ACE: variants seen among roughly 807,000 people sequenced by gnomAD.
The protein encoded by ACE is angiotensin I converting enzyme, also known as angiotensin-converting enzyme.
ACE carries 122 observed loss-of-function variants against 162.3 expected under a neutral mutation model. The ratio of observed to expected loss-of-function variants is 0.75; its 90% CI spans 0.65 to 0.87. The LOEUF (loss-of-function observed/expected upper bound fraction) is 0.87. ACE is among the 40% of genes least tolerant of loss of function. The pLI, the probability that ACE is intolerant of heterozygous loss-of-function variation, is 0.00. For missense variants in ACE, 1,799 were observed against 1,735.1 expected (o/e 1.04, Z -0.65); for synonymous variants, 796 against 720.6 (o/e 1.10, Z -1.68).
Position 63,488,690 on chromosome 17 carries a change from T to C in ACE, c.2348T>C (p.Leu783Pro). ...GCCACGTCCCGGAAATATGAAGACC[T>C]GTTATGGGCATGGGAGGGCTGGCGA... ...VMATSRKYED[L>P]LWAWEGWRDK... The change falls in exon 16 of 25, where the codon CTG (leucine) becomes CCG (proline). Residue 783 changes from leucine (L) to proline (P), a missense_variant. Physicochemically the swap from Leu to Pro is moderately conservative, Grantham distance 98. Transcript: ENST00000290866. 6 of 1,613,378 alleles carry C rather than the reference T, an allele frequency of 3.7e-6. No individual in the cohort carries two copies. The highest frequency in any genetic ancestry group is 5.1e-6 in the Non-Finnish European group (6 of 1,179,902).
rs1408696899 is a variant in ACE, at chr17:63,478,965, A to AG, written c.418-38dup. 4 of 1,549,492 alleles carry AG rather than the reference A, an allele frequency of 2.6e-6. No individual in the cohort carries two copies. The Admixed American group carries it at 6.8e-5, about 26-fold the overall frequency. On this transcript the variant is annotated intron_variant, in intron 2 of 24. Transcript: ENST00000290866. Reference sequence around the variant, plus strand: ...GCAGCGAGGGGAGGGCAGATGTCCCAGGGGCTGGTCACTGGAGCATTCCTC... The same window carrying AG: ...GCAGCGAGGGGAGGGCAGATGTCCCAGGGGGCTGGTCACTGGAGCATTCCTC...
At position 63,481,839 on chromosome 17, in the gene ACE, C is replaced by CT. The variant is rs549729816; in HGVS notation, c.1118+102dup. The CT allele has an allele frequency of 2.5e-4, 370 of 1,486,270 alleles. 3 individuals carry two copies. In the African/African-American group the frequency reaches 4.5e-3, roughly 18 times the overall value. The allele number at this position is 1,486,270 out of a possible 1,614,324, so 92.1% of individuals were successfully genotyped here. A position where few individuals can be genotyped will look rare whatever the true frequency, so the allele number is the denominator to read the frequency against. Reference sequence around the variant, plus strand: ...GGGAAGCTGGTTCCCAGGCCTGCCTCTACCCTACCCCAGCACTGGTTGGAG... The same window carrying CT: ...GGGAAGCTGGTTCCCAGGCCTGCCTCTTACCCTACCCCAGCACTGGTTGGAG... On this transcript the variant is annotated intron_variant, in intron 7 of 24. Coordinates refer to ENST00000290866, the MANE Select transcript of ACE (RefSeq NM_000789.4).
chr17:63,493,080 G>A (rs1187345173), intron 19 of ACE, among the ~76,000 whole-genome samples: 2 of 152,198 alleles, frequency 1.3e-5, no homozygotes, highest in Non-Finnish European at 2.9e-5. Context: ...GATAAAGCAT[G>A]TGTACATGGG....
intron 22 of ACE, 188 bp from the exon 23 acceptor site, chr17:63,496,206 C>G: frequency 1.3e-6 from 1 of 797,430 alleles, no homozygotes; most frequent in Non-Finnish European, 2.0e-6. Flanking sequence ...GGAAGAGGCT[C>G]AGACAATGCT....
chr17:63,479,737 C>G (rs2049675569), intron 3 of ACE, 32 bp from the exon 4 acceptor site: 5 of 1,612,164 alleles, frequency 3.1e-6, no homozygotes, highest in Non-Finnish European at 4.2e-6. Flanking sequence ...ACGTGGAGGC[C>G]TCCTCACCGA....
chr17:63,483,640 T>C (rs1311965534), intron 10 of ACE, 82 bp downstream of exon 10: 16 of 1,311,414 alleles, frequency 1.2e-5, no homozygotes, highest in Admixed American at 2.0e-5. Flanking sequence ...AGCTGCCTCA[T>C]CCCCAGGGCT....
Position 63,477,359 on chromosome 17 carries a change from C to G in ACE, c.249+16C>G, listed in dbSNP as rs1568035049. ...AAGGCGCCAGGTGGGCGCCCGGGCC[C>G]GGGCGGGGGCGGGGCGGGGCCGCGG... On this transcript the variant is annotated intron_variant, in intron 1 of 24. Coordinates refer to ENST00000290866, the MANE Select transcript of ACE (RefSeq NM_000789.4). The G allele has an allele frequency of 1.7e-6, 2 of 1,160,434 alleles. No individual in the cohort carries two copies. Among genetic ancestry groups the G allele is most frequent in the Admixed American group, 4.3e-5 (1 of 23,160 alleles). 71.9% of individuals were successfully genotyped at this position (1,160,434 alleles called of 1,614,324 possible). A position where few individuals can be genotyped will look rare whatever the true frequency, so the allele number is the denominator to read the frequency against.
intron 7 of ACE, 113 bp downstream of exon 7, chr17:63,481,851 A>T: frequency 6.4e-6 from 9 of 1,404,528 alleles, no homozygotes; most frequent in Non-Finnish European, 9.0e-6. Context: ...ACCCTACCCC[A>T]GCACTGGTTG....
Position 63,483,842 on chromosome 17 carries a change from C to T in ACE, c.1587-7C>T, listed in dbSNP as rs2029861355. On this transcript the variant is annotated splice_region_variant and splice_polypyrimidine_tract_variant and intron_variant, in intron 10 of 24. Transcript: ENST00000290866. ...GATCTTCCCTGACTCCCACCCTGTG[C>T]CTGCAGGTACTTTGTGAGTTTTGTC... 1 of 1,613,930 alleles carries T rather than the reference C, an allele frequency of 6.2e-7. No individual in the cohort carries two copies. The highest frequency in any genetic ancestry group is 8.5e-7 in the Non-Finnish European group (1 of 1,180,034).
intron 5 of ACE, among the ~76,000 whole-genome samples, chr17:63,480,786 G>A (rs1250113496): frequency 2.0e-5 from 3 of 152,368 alleles, no homozygotes; most frequent in African/African-American, 4.8e-5. Context: ...CCTGGGTCCA[G>A]TGGGGGAGCC....
At position 63,493,661 on chromosome 17, in the gene ACE, TGA is replaced by T. The variant is rs1599154542; in HGVS notation, c.3136+9_3136+10del. The T allele has an allele frequency of 1.2e-6, 2 of 1,613,594 alleles. No individual in the cohort carries two copies. The highest frequency in any genetic ancestry group is 1.7e-6 in the Non-Finnish European group (2 of 1,179,908). Reference sequence around the variant, plus strand: ...TGAGCAGTGAGGGTGGCAGCGACGGTGAGAGAGAAGCGGGAGGCCCTGGTGGG... The same window carrying T: ...TGAGCAGTGAGGGTGGCAGCGACGGTGAGAGAAGCGGGAGGCCCTGGTGGG... On this transcript the variant is annotated splice_donor_region_variant and intron_variant, in intron 20 of 24. Coordinates refer to ENST00000290866, the MANE Select transcript of ACE (RefSeq NM_000789.4).
rs376526208 is a variant in ACE at position 63,479,863 on chromosome 17, G to A, written c.606G>A (p.Pro202=). ...ACGCTGCGGGCATCCCGCTGAAACC[G>A]CTGTACGAGGATTTCACTGCCCTCA... ...WHNAAGIPLK[P]LYEDFTALSN... is the part of the protein sequence containing the mutation. The change falls in exon 4 of 25, where the codon CCG becomes CCA. Residue 202 remains proline, a synonymous_variant. Transcript: ENST00000290866. 7 of 1,612,576 alleles carry A rather than the reference G, an allele frequency of 4.3e-6. No homozygotes were observed. In the African/African-American group the frequency reaches 5.3e-5, roughly 12 times the overall value.
At chr17:63,494,171 T>C in intron 21 of ACE, 105 bp downstream of exon 21, 1 of 1,409,574 alleles carries the variant, frequency 7.1e-7, no homozygotes, top group Non-Finnish European at 9.8e-7. Context: ...TGTGTGTGTG[T>C]ACACTATTGT....
In ACE at chr17:63,496,467, C is replaced by T; in HGVS notation, c.3454C>T (p.Leu1152=). 6.2e-7 allele frequency: 1 copy of T among 1,614,204 alleles called. No individual in the cohort carries two copies. Among genetic ancestry groups the T allele is most frequent in the South Asian group, 1.1e-5 (1 of 91,082 alleles). The change falls in exon 23 of 25, where the codon CTG becomes TTG. Residue 1152 remains leucine, a synonymous_variant. Coordinates refer to ENST00000290866, the MANE Select transcript of ACE (RefSeq NM_000789.4). ...LCQAAGHTGP[L]HKCDIYQSKE... ...CCAGGCAGCTGGCCACACGGGCCCC[C>T]TGCACAAGTGTGACATCTACCAGTC...
Position 63,496,931 on chromosome 17 carries a change from G to C in ACE, c.3637G>C (p.Glu1213Gln). The C allele has an allele frequency of 6.2e-7, 1 of 1,613,360 alleles. No homozygotes were observed. The highest frequency in any genetic ancestry group is 8.5e-7 in the Non-Finnish European group (1 of 1,179,978). The change falls in exon 24 of 25, where the codon GAG becomes CAG. Residue 1213 changes from glutamate to glutamine, a missense_variant. Coordinates refer to ENST00000290866, the MANE Select transcript of ACE (RefSeq NM_000789.4). ...PLLDWLRTEN[E>Q]LHGEKLGWPQ... ...GCTGGACTGGCTCCGCACGGAGAAC[G>C]AGCTGCATGGGGAGAAGCTGGGCTG...
intron 5 of ACE, 77 bp from the exon 6 acceptor site, chr17:63,481,014 G>C (rs1302671092): frequency 7.0e-7 from 1 of 1,432,324 alleles, no homozygotes; most frequent in Non-Finnish European, 9.9e-7. Context: ...CCGGCCCCAG[G>C]GTGCCACTCA....
Position 63,496,966 on chromosome 17 carries a change from C to T in ACE, c.3672C>T (p.Tyr1224=), listed in dbSNP as rs866250489. Residue 1224 remains tyrosine (Y), a synonymous_variant, in exon 24 of 25, where the codon TAC becomes TAT. Coordinates refer to ENST00000290866, the MANE Select transcript of ACE (RefSeq NM_000789.4). ...GGGAGAAGCTGGGCTGGCCGCAGTA[C>T]AACTGGACGCCGAACTCCGGTACCG... is the stretch of plus-strand genomic sequence containing the variant. ...LHGEKLGWPQ[Y]NWTPNSARSE... is the part of the protein sequence containing the mutation. The T allele has an allele frequency of 1.3e-5, 21 of 1,612,060 alleles. No homozygotes were observed. Among genetic ancestry groups the T allele is most frequent in the Admixed American group, 3.3e-5 (2 of 59,944 alleles).
At chr17:63,490,497 G>A (rs554920917) in intron 17 of ACE, 5 of 208,652 alleles carry the variant, frequency 2.4e-5, no homozygotes, top group African/African-American at 9.2e-5. Flanking sequence ...CGAGGGGGGC[G>A]GTCACTTAAC....
rs1036389241 is a variant in ACE at position 63,484,142 on chromosome 17, T to G, written c.1709+171T>G. Reference sequence around the variant, plus strand: ...CATCAAATATTTATTGAGTGGGCCTTCTGGCTGGCATGGGGCGACACAAAT... The same window carrying G: ...CATCAAATATTTATTGAGTGGGCCTGCTGGCTGGCATGGGGCGACACAAAT... On this transcript the variant is annotated intron_variant, in intron 11 of 24. Transcript: ENST00000290866. This position sits in a 1 kb window ranked among gnomAD's most constrained non-coding sequence, Gnocchi z 4.0. Among the ~76,000 whole-genome samples, 10 of 152,220 alleles carry G rather than the reference T, an allele frequency of 6.6e-5. No homozygotes were observed. The highest frequency in any genetic ancestry group is 2.4e-4 in the African/African-American group (10 of 41,456).
Sources: allele counts gnomAD v4.1 joint callset (sites outside exome capture counted in the v4.1 genomes callset), GRCh38; gene constraint gnomAD v4.1.1; non-coding constraint Gnocchi (gnomAD v3.1); transcripts MANE v1.5; gene names NCBI Gene and HGNC (gene_info 2026-07-23, HGNC 2026-07-21).